Variants in TPST1 observed in about 807,000 individuals in gnomAD.
TPST1 encodes the protein protein-tyrosine sulfotransferase 1.
Under a neutral mutation model 34.8 loss-of-function variants are expected in TPST1, and 20 were observed. The observed-to-expected ratio is 0.57, with a 90% CI of 0.40 to 0.84. The LOEUF (loss-of-function observed/expected upper bound fraction) is 0.84, where lower values mean the gene tolerates loss of function less well. Among genes scored for constraint, TPST1 ranks in the 40% least tolerant of loss-of-function variants. The pLI, the probability that TPST1 is intolerant of heterozygous loss-of-function variation, is 0.00. For synonymous variants in TPST1, 152 were observed against 159.4 expected, an observed-to-expected ratio of 0.95 and a Z score of 0.35; for missense variants, 353 against 455.5, an observed-to-expected ratio of 0.78 and a Z score of 2.05.
intron 5 of TPST1, among the ~76,000 whole-genome samples, chr7:66,357,909 C>T (rs770401828): frequency 1.3e-5 from 2 of 152,140 alleles, no homozygotes; most frequent in Admixed American, 1.3e-4. Flanking sequence ...CATAGTGAAA[C>T]CTCGTCTCTA....
chr7:66,310,484 A>G (rs1791507729), intron 3 of TPST1, among the ~76,000 whole-genome samples: 1 of 152,120 alleles, frequency 6.6e-6, no homozygotes, highest in Non-Finnish European at 1.5e-5. Flanking sequence ...TTATTCTATT[A>G]CCGTGTGTTC....
At chr7:66,214,856 A>G (rs954333767) in intron 1 of TPST1, among the ~76,000 whole-genome samples, 13 of 147,896 alleles carry the variant, frequency 8.8e-5, no homozygotes, top group Admixed American at 2.0e-4. Context: ...TATGCATTTA[A>G]TATGTTTTTA....
chr7:66,207,860 A>T (rs572101896), intron 1 of TPST1, among the ~76,000 whole-genome samples: 4 of 152,120 alleles, frequency 2.6e-5, no homozygotes, highest in Non-Finnish European at 5.9e-5. Context: ...CTATTTTAAG[A>T]TCTTTACTCT....
intron 3 of TPST1, among the ~76,000 whole-genome samples, chr7:66,330,581 G>C (rs1791977506): frequency 6.6e-6 from 1 of 152,138 alleles, no homozygotes; most frequent in Admixed American, 6.5e-5. Context: ...AAATTGGGTT[G>C]CTAAACTTTC....
Position 66,310,713 on chromosome 7 carries a change from A to G in TPST1, c.1044+24004A>G, listed in dbSNP as rs575101002. On this transcript the variant is annotated intron_variant, in intron 3 of 5. Transcript: ENST00000304842. ...ATTGGGTTTCTGGGCTGTAGTAGGA[A>G]TATTCCAACTAATACCATACTGGGT... 6.0e-4 allele frequency among the ~76,000 whole-genome samples: 92 copies of G among 152,300 alleles called. 1 individual carries two copies. The highest frequency in any genetic ancestry group is 2.1e-3 in the African/African-American group (88 of 41,558).
At chr7:66,223,458 CAAAAA>C (rs34400889) in intron 1 of TPST1, among the ~76,000 whole-genome samples, 2 of 59,242 alleles carry the variant, frequency 3.4e-5, no homozygotes, top group Non-Finnish European at 3.1e-5. Context: ...GACCCTGTCT[CAAAAA>C]AAAAAAAAAA....
At chr7:66,351,960 A>G (rs1792488209) in intron 3 of TPST1, among the ~76,000 whole-genome samples, 1 of 152,180 alleles carries the variant, frequency 6.6e-6, no homozygotes, top group Non-Finnish European at 1.5e-5. Context: ...TTTATATATT[A>G]AAGCATAGGT....
intron 2 of TPST1, among the ~76,000 whole-genome samples, chr7:66,276,796 G>T (rs1223100688): frequency 1.3e-5 from 2 of 151,720 alleles, no homozygotes; most frequent in Non-Finnish European, 1.5e-5. Flanking sequence ...CAATTTTAAT[G>T]TTTTGTGGGC....
At chr7:66,278,825 A>C (rs903364484) in intron 2 of TPST1, among the ~76,000 whole-genome samples, 4 of 152,178 alleles carry the variant, frequency 2.6e-5, no homozygotes, top group African/African-American at 9.7e-5. Flanking sequence ...ATCATAGAAA[A>C]TTGGAAAATA....
Position 66,206,750 on chromosome 7 carries a change from T to A in TPST1, c.-102+1228T>A, listed in dbSNP as rs751116521. On this transcript the variant is annotated intron_variant, in intron 1 of 5. Coordinates refer to ENST00000304842, the MANE Select transcript of TPST1 (RefSeq NM_003596.4). ...AAAGTGGCATAGTATATAAGCAATG[T>A]GGTACGTGTTTATCTATTAGCTGGA... Among the ~76,000 whole-genome samples the A allele has an allele frequency of 2.0e-4, 31 of 152,210 alleles. No homozygotes were observed. The South Asian group carries it at 2.7e-3, about 13-fold the overall frequency.
chr7:66,309,478 C>T (rs761912203), intron 3 of TPST1, among the ~76,000 whole-genome samples: 13 of 152,250 alleles, frequency 8.5e-5, no homozygotes, highest in Non-Finnish European at 1.6e-4. Flanking sequence ...TACAAATGGG[C>T]AAAATCTAGC....
chr7:66,241,128 A>G lies in TPST1; in HGVS notation c.703A>G (p.Met235Val), dbSNP rs773100885. The G allele has an allele frequency of 6.8e-6, 11 of 1,614,078 alleles. No homozygotes were observed. The highest frequency in any genetic ancestry group is 6.6e-5 in the South Asian group (6 of 91,090). ...QCMEVGYKKC[M>V]LVHYEQLVLH... ...TATGGAGGTTGGTTATAAAAAGTGCATGTTGGTTCACTATGAACAACTTGT... is the reference window on the plus strand; with the variant it reads ...TATGGAGGTTGGTTATAAAAAGTGCGTGTTGGTTCACTATGAACAACTTGT... Residue 235 changes from methionine to valine, a missense_variant, in exon 2 of 6, where the codon ATG (methionine) becomes GTG (valine). By Grantham distance (21) the Met-to-Val change is conservative (BLOSUM62 1). Coordinates refer to ENST00000304842, the MANE Select transcript of TPST1 (RefSeq NM_003596.4).
chr7:66,334,365 G>A (rs149835169), intron 3 of TPST1, among the ~76,000 whole-genome samples: 1 of 152,224 alleles, frequency 6.6e-6, no homozygotes, highest in Non-Finnish European at 1.5e-5. Context: ...GCTGGGCGCG[G>A]TGGCTCACTC....
chr7:66,246,827 AC>A (rs1790160015), intron 2 of TPST1, among the ~76,000 whole-genome samples: 1 of 152,212 alleles, frequency 6.6e-6, no homozygotes, highest in African/African-American at 2.4e-5. Context: ...TGTGTGTAAA[AC>A]AAATGGCGTT....
intron 3 of TPST1, among the ~76,000 whole-genome samples, chr7:66,305,308 A>G (rs1370954789): frequency 6.6e-6 from 1 of 152,076 alleles, no homozygotes; most frequent in African/African-American, 2.4e-5. Flanking sequence ...TCCTCTAGCC[A>G]TTCCATGTTC....
intron 2 of TPST1, among the ~76,000 whole-genome samples, chr7:66,250,533 A>G (rs777675040): frequency 5.9e-5 from 9 of 151,930 alleles, no homozygotes; most frequent in Non-Finnish European, 1.2e-4. Flanking sequence ...TGGTTATCTC[A>G]TCTTTCCTTT....
At chr7:66,232,395 C>T (rs1225852136) in intron 1 of TPST1, among the ~76,000 whole-genome samples, 1 of 151,564 alleles carries the variant, frequency 6.6e-6, no homozygotes, top group Non-Finnish European at 1.5e-5. Flanking sequence ...TTTTTTGAGA[C>T]AGAGTCTCGC....
chr7:66,218,876 T>C (rs1789480968), intron 1 of TPST1, among the ~76,000 whole-genome samples: 1 of 151,044 alleles, frequency 6.6e-6, no homozygotes, highest in Non-Finnish European at 1.5e-5. Flanking sequence ...ATTATAGTGT[T>C]TTATTTTATT....
chr7:66,284,184 C>T (rs1293194995), intron 2 of TPST1, among the ~76,000 whole-genome samples: 3 of 152,062 alleles, frequency 2.0e-5, no homozygotes, highest in African/African-American at 7.2e-5. Flanking sequence ...TATACTTTTT[C>T]TTCAAATCAT....
Sources: allele counts gnomAD v4.1 joint callset (sites outside exome capture counted in the v4.1 genomes callset), GRCh38; gene constraint gnomAD v4.1.1; transcripts MANE v1.5; gene names NCBI Gene and HGNC (gene_info 2026-07-23, HGNC 2026-07-21).